SH3BP2: variants seen among roughly 807,000 people sequenced by gnomAD.
SH3BP2 encodes SH3 domain-binding protein 2.
In SH3BP2, 38 loss-of-function variants were observed where a neutral mutation model predicts 56.2. That is an observed-to-expected ratio of 0.68 (90% CI 0.52 to 0.89). The LOEUF (loss-of-function observed/expected upper bound fraction) is 0.89, where lower values mean the gene tolerates loss of function less well. Ranked by LOEUF, SH3BP2 falls within the 40% of genes least tolerant of loss-of-function variation. The probability of loss-of-function intolerance (pLI) is 0.00; values close to 1 mark genes in which losing one functional copy is unlikely to be tolerated. For missense variants in SH3BP2, 748 were observed against 762.6 expected (o/e 0.98, Z 0.23); for synonymous variants, 346 against 316.7 (o/e 1.09, Z -0.98).
chr4:2,798,065 C>T (rs1164458270), intron 1 of SH3BP2, among the ~76,000 whole-genome samples: 4 of 152,186 alleles, frequency 2.6e-5, no homozygotes, highest in Non-Finnish European at 5.9e-5. Flanking sequence ...CTCCCTTCCC[C>T]CTGCGGGCTG....
At chr4:2,827,792 C>G in intron 7 of SH3BP2, 118 bp downstream of exon 7, 1 of 812,594 alleles carries the variant, frequency 1.2e-6, no homozygotes, top group Non-Finnish European at 2.1e-6. Context: ...TGGGTGGCTT[C>G]CGCTTCCCTG....
At chr4:2,800,570 C>T (rs967256982) in intron 1 of SH3BP2, among the ~76,000 whole-genome samples, 2 of 151,118 alleles carry the variant, frequency 1.3e-5, no homozygotes, top group Admixed American at 6.6e-5. Context: ...GGGCTGATGA[C>T]GGGCCAGGTG....
chr4:2,825,431 AAGCAACACGCGGACATGCACACACACAG>A (rs1724552720), intron 5 of SH3BP2, among the ~76,000 whole-genome samples: 1 of 151,758 alleles, frequency 6.6e-6, no homozygotes, highest in African/African-American at 2.4e-5. Context: ...ACACAAACAC[AAGCAACACGCGGACATGCACACACACAG>A]AGCAACACGT....
In SH3BP2 at chr4:2,838,163, T is replaced by C. The variant is rs1291193956; in HGVS notation, c.*4329T>C. On this transcript the variant is annotated 3_prime_UTR_variant, in exon 13 of 13. Coordinates refer to ENST00000503393, the MANE Select transcript of SH3BP2 (RefSeq NM_001122681.2). ...AACATACAGAAAAGTGAATAAAACA[T>C]AAATGCACAACCTAACACACTGTTA... The C allele has an allele frequency of 6.6e-6, 1 of 152,114 alleles. No homozygotes were observed. Among genetic ancestry groups the C allele is most frequent in the African/African-American group, 2.4e-5 (1 of 41,404 alleles). The allele number at this position is 152,114 out of a possible 1,614,324, so 9.4% of individuals were successfully genotyped here. A position where few individuals can be genotyped will look rare whatever the true frequency, so the allele number is the denominator to read the frequency against.
At chr4:2,804,336 C>T (rs1243427880) in intron 1 of SH3BP2, among the ~76,000 whole-genome samples, 1 of 152,230 alleles carries the variant, frequency 6.6e-6, no homozygotes, top group Non-Finnish European at 1.5e-5. Flanking sequence ...TGGAGCTCTG[C>T]TTCTTTGCCC....
At chr4:2,802,114 AG>A (rs559091051) in intron 1 of SH3BP2, among the ~76,000 whole-genome samples, 1 of 151,868 alleles carries the variant, frequency 6.6e-6, no homozygotes, top group African/African-American at 2.4e-5. Flanking sequence ...TCAAAAAAAA[AG>A]GGGCCGGGCG....
rs1392604107 is a variant in SH3BP2, at chr4:2,810,678, C to T, written c.-4-9936C>T. Among the ~76,000 whole-genome samples, 1 of 152,060 alleles carries T rather than the reference C, an allele frequency of 6.6e-6. No individual in the cohort carries two copies. The highest frequency in any genetic ancestry group is 2.1e-4 in the South Asian group (1 of 4,830). Reference sequence around the variant, plus strand: ...TCCCGTGGCTCCCTCACCCCAGCTCCTTCCAGCAAACTTCCTCCTCTATCA... The same window carrying T: ...TCCCGTGGCTCCCTCACCCCAGCTCTTTCCAGCAAACTTCCTCCTCTATCA... On this transcript the variant is annotated intron_variant, in intron 1 of 12. Transcript: ENST00000503393. The surrounding 1 kb of genome is among the most constrained non-coding windows in gnomAD (Gnocchi z 4.2).
rs576616434 is a variant in SH3BP2, at chr4:2,838,837, G to C, written c.*5003G>C. On this transcript the variant is annotated 3_prime_UTR_variant, in exon 13 of 13. Coordinates refer to ENST00000503393, the MANE Select transcript of SH3BP2 (RefSeq NM_001122681.2). ...AGTTTTGTCCATGTCTCTGATGCAC[G>C]TGTGTTTTTTGCAAATGGTGCACAA... is the stretch of plus-strand genomic sequence containing the variant. The C allele has an allele frequency of 5.7e-4, 87 of 152,274 alleles. No homozygotes were observed. Among genetic ancestry groups the C allele is most frequent in the African/African-American group, 2.0e-3 (83 of 41,524 alleles). The allele number at this position is 152,274 out of a possible 1,614,324, so 9.4% of individuals were successfully genotyped here.
intron 6 of SH3BP2, 129 bp from the exon 7 acceptor site, chr4:2,827,477 G>T: frequency 8.4e-7 from 1 of 1,191,630 alleles, no homozygotes; most frequent in Non-Finnish European, 1.2e-6. Context: ...CAGCGGCAGG[G>T]TCTGGACTCA....
chr4:2,799,388 G>A, intron 1 of SH3BP2: 1 of 779,260 alleles, frequency 1.3e-6, no homozygotes, highest in African/African-American at 1.9e-5. Context: ...GGTCCTGGGT[G>A]CTGGCTTCAG....
chr4:2,801,203 C>T (rs1723268092), intron 1 of SH3BP2, among the ~76,000 whole-genome samples: 1 of 151,550 alleles, frequency 6.6e-6, no homozygotes. Context: ...GGGCCCACCG[C>T]CAGACCCTTG....
rs552310147 is a variant in SH3BP2, at chr4:2,827,106, T to C, written c.429-124T>C. 3.8e-5 allele frequency: 29 copies of C among 757,184 alleles called. 1 individual carries two copies. In the South Asian group the frequency reaches 4.2e-4, roughly 11 times the overall value. The allele number at this position is 757,184 out of a possible 1,614,324, so 46.9% of individuals were successfully genotyped here. On this transcript the variant is annotated intron_variant, in intron 5 of 12. Coordinates refer to ENST00000503393, the MANE Select transcript of SH3BP2 (RefSeq NM_001122681.2). ...ATGTGTGCATGTGTTTGTCAGTGTA[T>C]CCGTGTGTGCATCTGTGTATCTGTC...
chr4:2,795,474 C>T (rs959344234), intron 1 of SH3BP2, among the ~76,000 whole-genome samples: 2 of 152,220 alleles, frequency 1.3e-5, no homozygotes, highest in African/African-American at 2.4e-5. Context: ...TGAGCCCCCA[C>T]GCCTGGCAGA....
At chr4:2,815,149 ACCCTCAGCCTCAGCCGACCTTTC>A (rs571435693) in intron 1 of SH3BP2, among the ~76,000 whole-genome samples, 40 of 152,070 alleles carry the variant, frequency 2.6e-4, no homozygotes, top group African/African-American at 8.9e-4. Flanking sequence ...GCCCATCATC[ACCCTCAGCCTCAGCCGACCTTTC>A]CCCTTTCTGC....
rs574646629 is a variant in SH3BP2, at chr4:2,806,295, A to T, written c.-5+13157A>T. Among the ~76,000 whole-genome samples, 55 of 152,192 alleles carry T rather than the reference A, an allele frequency of 3.6e-4. 1 individual carries two copies. The highest frequency in any genetic ancestry group is 9.6e-4 in the African/African-American group (40 of 41,520). On this transcript the variant is annotated intron_variant, in intron 1 of 12. Transcript: ENST00000503393. ...GTGCCCAGGCTGGCTGCGGTGAGGG[A>T]CAGTGAAACCCTTCAGGCCAGGAGA...
rs1423997699 is a variant in SH3BP2, at chr4:2,837,747, C to G, written c.*3913C>G. ...CCCCTCGCTGGGCACCTCGCACACA[C>G]CCCCTGCCTTATCTCTGCCTGCACG... On this transcript the variant is annotated 3_prime_UTR_variant, in exon 13 of 13. Coordinates refer to ENST00000503393, the MANE Select transcript of SH3BP2 (RefSeq NM_001122681.2). 6.6e-6 allele frequency: 1 copy of G among 152,498 alleles called. No homozygotes were observed. Among genetic ancestry groups the G allele is most frequent in the Admixed American group, 6.5e-5 (1 of 15,276 alleles). 9.4% of individuals were successfully genotyped at this position (152,498 alleles called of 1,614,324 possible).
chr4:2,827,559 TG>T, intron 6 of SH3BP2, 46 bp from the exon 7 acceptor site: 1 of 1,548,206 alleles, frequency 6.5e-7, no homozygotes, highest in South Asian at 1.2e-5. Flanking sequence ...GCTCGGAGAC[TG>T]GGCCTGGGCC....
At chr4:2,818,893 T>C in intron 1 of SH3BP2, 1 of 985,528 alleles carries the variant, frequency 1.0e-6, no homozygotes, top group South Asian at 4.7e-5. Flanking sequence ...TGTTGGAGGG[T>C]GCTGGTTTGC....
intron 1 of SH3BP2, among the ~76,000 whole-genome samples, chr4:2,814,130 G>A (rs776556560): frequency 3.3e-5 from 5 of 152,250 alleles, no homozygotes; most frequent in African/African-American, 7.2e-5. Context: ...AGGGGCTCAC[G>A]CCTGTGTGCA....
Sources: allele counts gnomAD v4.1 joint callset (sites outside exome capture counted in the v4.1 genomes callset), GRCh38; gene constraint gnomAD v4.1.1; non-coding constraint Gnocchi (gnomAD v3.1); transcripts MANE v1.5; gene names NCBI Gene and HGNC (gene_info 2026-07-23, HGNC 2026-07-21).